The following ADAM20 variants were observed in gnomAD, a reference collection of about 807,000 sequenced individuals.
ADAM20 encodes the protein disintegrin and metalloproteinase domain-containing protein 20.
For missense variants in ADAM20, 871 were observed against 883.2 expected (o/e 0.99, Z 0.18); for synonymous variants, 305 against 310.2 (o/e 0.98, Z 0.18).
chr14:70,528,556 C>T (rs1883641501), intron 1 of ADAM20, among the ~76,000 whole-genome samples: 1 of 152,080 alleles, frequency 6.6e-6, no homozygotes, highest in South Asian at 2.1e-4. Flanking sequence ...TTGGAGAATC[C>T]TTCTTAGGAT....
chr14:70,524,725 C>T lies in ADAM20; in HGVS notation c.33G>A (p.Arg11=), dbSNP rs1883549169. The change falls in exon 2 of 2, where the codon AGG becomes AGA. Residue 11 remains arginine, a synonymous_variant. Transcript: ENST00000256389. MAVGEPLVHI[R]VTLLLLWFGM... is the part of the protein sequence containing the mutation. The stretch of plus-strand genomic sequence containing the variant: ...CAAACCAGAGCAGCAGAAGAGTGAC[C>T]CTGATGTGCACCAGGGGCTCACCCA... 1 of 1,613,738 alleles carries T rather than the reference C, an allele frequency of 6.2e-7. No homozygotes were observed.
the ADAM20 span, among the ~76,000 whole-genome samples, chr14:70,572,208 A>G: frequency 6.6e-6 from 1 of 152,200 alleles, no homozygotes; most frequent in African/African-American, 2.4e-5. Flanking sequence ...GAGACATCAC[A>G]TTACCCAAAT....
At chr14:70,564,101 C>A in the ADAM20 span, among the ~76,000 whole-genome samples, 4 of 152,234 alleles carry the variant, frequency 2.6e-5, no homozygotes, top group Non-Finnish European at 4.4e-5. Context: ...GGGCTAATTT[C>A]TGTCATCTCA....
the ADAM20 span, among the ~76,000 whole-genome samples, chr14:70,569,538 G>A: frequency 4.6e-5 from 7 of 151,982 alleles, no homozygotes; most frequent in African/African-American, 7.2e-5. Context: ...CACAGGGAAC[G>A]GCATTCCCAC....
At chr14:70,563,576 A>T in the ADAM20 span, among the ~76,000 whole-genome samples, 1 of 152,172 alleles carries the variant, frequency 6.6e-6, no homozygotes, top group Admixed American at 6.5e-5. Context: ...TTGAAATGTA[A>T]TCCCCAGCGT....
In ADAM20 at chr14:70,524,955, G is replaced by A. The variant is rs752081447; in HGVS notation, c.-176-22C>T. 5.9e-6 allele frequency: 9 copies of A among 1,530,996 alleles called. No individual in the cohort carries two copies. In the Admixed American group the frequency reaches 8.4e-5, roughly 14 times the overall value. The allele number at this position is 1,530,996 out of a possible 1,614,324, so 94.8% of individuals were successfully genotyped here. ...AAAACTGAAAGAGCCAGGATGGGGT[G>A]GGTGGGATAGAAAGGGAGAAAGAGA... On this transcript the variant is annotated intron_variant, in intron 1 of 1. Coordinates refer to ENST00000256389, the MANE Select transcript of ADAM20 (RefSeq NM_003814.5).
At chr14:70,574,133 A>T in the ADAM20 span, among the ~76,000 whole-genome samples, 69 of 152,104 alleles carry the variant, frequency 4.5e-4, 1 homozygote, top group Admixed American at 1.8e-3. Flanking sequence ...CAGATTAAAG[A>T]AGACTGAAAT....
In ADAM20 at chr14:70,524,265, C is replaced by T. The variant is rs1330071325; in HGVS notation, c.493G>A (p.Asp165Asn). The T allele has an allele frequency of 6.2e-7, 1 of 1,614,052 alleles. No homozygotes were observed. The highest frequency in any genetic ancestry group is 2.2e-5 in the East Asian group (1 of 44,884). ...CATCTCATAGGTGGAAACTGTGTAT[C>T]ATCACTGTCTATCTTATATACTAGG... ...EHLVYKIDSDDTQFPPMRCGL... is the reference protein window; with the variant it reads ...EHLVYKIDSDNTQFPPMRCGL... The change falls in exon 2 of 2, where the codon GAT becomes AAT. Residue 165 changes from aspartate to asparagine, a missense_variant. By Grantham distance (23) the Asp-to-Asn change is conservative. Coordinates refer to ENST00000256389, the MANE Select transcript of ADAM20 (RefSeq NM_003814.5).
chr14:70,549,298 A>G, the ADAM20 span, among the ~76,000 whole-genome samples: 1 of 49,184 alleles, frequency 2.0e-5, no homozygotes, highest in African/African-American at 9.8e-5. Flanking sequence ...AAATTCACAC[A>G]TAACAATATT....
At chr14:70,538,812 T>A (rs1339369033), upstream of ADAM20, among the ~76,000 whole-genome samples, 1 of 152,212 alleles carries the variant, frequency 6.6e-6, no homozygotes, top group Non-Finnish European at 1.5e-5. Flanking sequence ...GTTTTGTTTT[T>A]TTCTGAGATG....
chr14:70,553,194 G>A, the ADAM20 span, among the ~76,000 whole-genome samples: 2 of 69,294 alleles, frequency 2.9e-5, no homozygotes, highest in Non-Finnish European at 5.6e-5. Flanking sequence ...AGCATTGGGA[G>A]ATATACCTAA....
the ADAM20 span, among the ~76,000 whole-genome samples, chr14:70,564,386 A>G: frequency 6.6e-6 from 1 of 152,366 alleles, no homozygotes; most frequent in East Asian, 1.9e-4. Context: ...TGACTGGACC[A>G]GCCAGGAACA....
At chr14:70,558,487 A>ATG in the ADAM20 span, among the ~76,000 whole-genome samples, 608 of 150,184 alleles carry the variant, frequency 4.0e-3, 4 homozygotes, top group African/African-American at 0.013. Context: ...ACATGTATGA[A>ATG]TGTGTGTGTG....
In ADAM20 at chr14:70,523,282, C is replaced by T. The variant is rs375002440; in HGVS notation, c.1476G>A (p.Gln492=). The T allele has an allele frequency of 2.5e-5, 41 of 1,613,916 alleles. No homozygotes were observed. Among genetic ancestry groups the T allele is most frequent in the Non-Finnish European group, 3.3e-5 (39 of 1,179,956 alleles). ...CATTCACATTACAGGAGATCCCGTC[C>T]TGCACATACACATCATCTGGGCATT... ...SHQCPDDVYV[Q]DGISCNVNAF... The change falls in exon 2 of 2, where the codon CAG becomes CAA. Residue 492 remains glutamine, a synonymous_variant. Transcript: ENST00000256389.
chr14:70,526,545 G>T (rs561972666), intron 1 of ADAM20, among the ~76,000 whole-genome samples: 1 of 152,190 alleles, frequency 6.6e-6, no homozygotes, highest in Non-Finnish European at 1.5e-5. Context: ...AGAGGATCAT[G>T]ACAGAAAAAG....
the ADAM20 span, among the ~76,000 whole-genome samples, chr14:70,558,597 T>C: frequency 4.6e-5 from 7 of 152,060 alleles, no homozygotes; most frequent in Non-Finnish European, 8.8e-5. Flanking sequence ...TACAGAACTA[T>C]AGTGGAGTGG....
chr14:70,577,126 A>G, the ADAM20 span, among the ~76,000 whole-genome samples: 3 of 152,332 alleles, frequency 2.0e-5, no homozygotes, highest in Middle Eastern at 3.4e-3. Context: ...CCCAACTCAT[A>G]TGATGCTGAC....
chr14:70,575,205 T>C, the ADAM20 span, among the ~76,000 whole-genome samples: 2 of 150,806 alleles, frequency 1.3e-5, no homozygotes, highest in Non-Finnish European at 3.0e-5. Flanking sequence ...AATATATATA[T>C]ATTTTTTGAG....
upstream of ADAM20, among the ~76,000 whole-genome samples, chr14:70,536,465 C>CAAAA (rs56738784): frequency 7.1e-3 from 306 of 43,080 alleles, 11 homozygotes; most frequent in Admixed American, 0.01. Context: ...AACTCTGTCT[C>CAAAA]AAAAAAAAAA....
Sources: gnomAD v4.1 joint callset for allele counts (sites outside exome capture counted in the v4.1 genomes callset) on GRCh38, gnomAD v4.1.1 for gene constraint, MANE v1.5 for transcripts, NCBI Gene and HGNC (gene_info 2026-07-23, HGNC 2026-07-21) for gene names.